Variants in CPVL observed in about 807,000 individuals in gnomAD.
CPVL encodes the protein probable serine carboxypeptidase CPVL.
Under a neutral mutation model 63.7 loss-of-function variants are expected in CPVL, and 51 were observed. The ratio of observed to expected loss-of-function variants is 0.80; its 90% CI spans 0.64 to 1.01. The LOEUF is 1.01. CPVL is among the 50% of genes least tolerant of loss of function. CPVL has a pLI of 0.00. For synonymous variants in CPVL, 195 were observed against 206.0 expected, an observed-to-expected ratio of 0.95 and a Z score of 0.46; for missense variants, 530 against 573.1, an observed-to-expected ratio of 0.92 and a Z score of 0.77.
chr7:29,169,745 A>G (rs6956877), intron 5 of CPVL, among the ~76,000 whole-genome samples: 34,139 of 151,726 alleles, frequency 0.23, 5,525 homozygotes, highest in African/African-American at 0.45. Context: ...CCTTCTGACC[A>G]CTGTTTGCTC....
At chr7:29,189,099 C>A (rs979960084) in intron 1 of CPVL, among the ~76,000 whole-genome samples, 36 of 152,074 alleles carry the variant, frequency 2.4e-4, no homozygotes, top group African/African-American at 8.4e-4. Flanking sequence ...TACAGGCGCA[C>A]ACCATCACGC....
chr7:29,016,395 T>A (rs1193790127), intron 12 of CPVL, among the ~76,000 whole-genome samples: 1 of 151,606 alleles, frequency 6.6e-6, no homozygotes, highest in Non-Finnish European at 1.5e-5. Flanking sequence ...AGCCCACAGC[T>A]AGCAAGCGGC....
At position 29,188,948 on chromosome 7, in the gene CPVL, C is replaced by CTT. The variant is rs11376135; in HGVS notation, c.-447-2403_-447-2402dup. ...AGCAAGGATATAGTTTTCCTCATACCTTTTTTTTTTTTTTTTTTGAGACAG... is the reference window on the plus strand; with the variant it reads ...AGCAAGGATATAGTTTTCCTCATACCTTTTTTTTTTTTTTTTTTTTGAGACAG... On this transcript the variant is annotated intron_variant, in intron 1 of 16. Coordinates refer to the CPVL transcript ENST00000409850. Among the ~76,000 whole-genome samples, 874 of 129,932 alleles carry CTT rather than the reference C, an allele frequency of 6.7e-3. 20 individuals are homozygous for CTT. The highest frequency in any genetic ancestry group is 0.02 in the African/African-American group (673 of 34,224). The allele number at this position is 129,932 out of a possible 152,430, so 85.2% of individuals were successfully genotyped here. A position where few individuals can be genotyped will look rare whatever the true frequency, so the allele number is the denominator to read the frequency against.
intron 11 of CPVL, among the ~76,000 whole-genome samples, chr7:29,043,574 G>C (rs1789333604): frequency 6.6e-6 from 1 of 152,088 alleles, no homozygotes; most frequent in Non-Finnish European, 1.5e-5. Context: ...AGAGTAGAGG[G>C]GAAAGCCAGA....
chr7:29,028,762 G>A (rs1212035447), intron 12 of CPVL, among the ~76,000 whole-genome samples: 3 of 152,144 alleles, frequency 2.0e-5, no homozygotes, highest in Middle Eastern at 6.8e-3. Context: ...TCAGGAGATC[G>A]AGACCATCCT....
At chr7:29,176,014 G>A (rs1158022781) in intron 5 of CPVL, among the ~76,000 whole-genome samples, 5 of 151,990 alleles carry the variant, frequency 3.3e-5, no homozygotes, top group African/African-American at 7.2e-5. Context: ...GTGAAACCCC[G>A]TCTCTACTAA....
chr7:29,180,676 G>C (rs893580005), intron 5 of CPVL, among the ~76,000 whole-genome samples: 1 of 152,142 alleles, frequency 6.6e-6, no homozygotes, highest in African/African-American at 2.4e-5. Flanking sequence ...TAATTACTAT[G>C]TAAAGAGTTA....
At chr7:29,095,448 T>A (rs531247630) in intron 4 of CPVL, among the ~76,000 whole-genome samples, 5 of 152,256 alleles carry the variant, frequency 3.3e-5, no homozygotes, top group African/African-American at 1.2e-4. Flanking sequence ...TCTGCAATAA[T>A]ATCCATATGT....
chr7:29,089,079 A>G (rs1785508195), intron 6 of CPVL, among the ~76,000 whole-genome samples: 1 of 152,190 alleles, frequency 6.6e-6, no homozygotes, highest in Non-Finnish European at 1.5e-5. Flanking sequence ...CTTCTTGGTG[A>G]TTCCATTTGG....
chr7:29,060,403 C>G (rs1045761782), intron 11 of CPVL, among the ~76,000 whole-genome samples: 4 of 152,154 alleles, frequency 2.6e-5, no homozygotes, highest in Non-Finnish European at 5.9e-5. Flanking sequence ...ATGTTCATAA[C>G]CACCATACTC....
intron 1 of CPVL, among the ~76,000 whole-genome samples, chr7:29,141,837 C>T (rs1791921741): frequency 6.6e-6 from 1 of 151,920 alleles, no homozygotes; most frequent in Non-Finnish European, 1.5e-5. Context: ...ATCACTTGAA[C>T]CCAGGAGGCA....
chr7:29,062,307 G>A (rs1701267745), intron 11 of CPVL, among the ~76,000 whole-genome samples: 1 of 152,134 alleles, frequency 6.6e-6, no homozygotes, highest in Admixed American at 6.5e-5. Flanking sequence ...CGTTCTGAGA[G>A]CTCAGAGGAG....
At chr7:29,001,014 C>G (rs895015398) in intron 12 of CPVL, 1 of 151,884 alleles carries the variant, frequency 6.6e-6, no homozygotes. Context: ...GGAAGGGAGT[C>G]ATACTGGTAC....
At chr7:29,074,417 C>T (rs1784036888) in intron 7 of CPVL, among the ~76,000 whole-genome samples, 1 of 152,106 alleles carries the variant, frequency 6.6e-6, no homozygotes, top group African/African-American at 2.4e-5. Flanking sequence ...TTATCAAATA[C>T]AATTTCTGTA....
At chr7:29,048,813 T>G (rs1168599285) in intron 11 of CPVL, among the ~76,000 whole-genome samples, 1 of 152,074 alleles carries the variant, frequency 6.6e-6, no homozygotes, top group Non-Finnish European at 1.5e-5. Flanking sequence ...AAATTGAAAT[T>G]ATATCAAGCA....
chr7:29,092,894 C>A (rs923189139), intron 5 of CPVL, among the ~76,000 whole-genome samples, 192 bp from the exon 6 acceptor site: 2 of 152,248 alleles, frequency 1.3e-5, no homozygotes, highest in South Asian at 2.1e-4. Flanking sequence ...CTCTCCACCC[C>A]CTAAAGCCCA....
chr7:29,063,550 A>T (rs373063312), intron 11 of CPVL, among the ~76,000 whole-genome samples: 1 of 152,028 alleles, frequency 6.6e-6, no homozygotes, highest in Non-Finnish European at 1.5e-5. Flanking sequence ...TAATCAGGGG[A>T]AAGTGGTTAA....
At chr7:29,149,550 G>A (rs1793296817), upstream of CPVL, among the ~76,000 whole-genome samples, 1 of 152,172 alleles carries the variant, frequency 6.6e-6, no homozygotes, top group Non-Finnish European at 1.5e-5. Context: ...GTACAGAACA[G>A]AATAGAACCA....
chr7:29,000,348 G>A (rs984594150), intron 12 of CPVL, among the ~76,000 whole-genome samples: 16 of 146,822 alleles, frequency 1.1e-4, no homozygotes, highest in Non-Finnish European at 2.4e-4. Context: ...ATCACTGGAC[G>A]GAGAGTGGTG....
Sources: allele counts gnomAD v4.1 joint callset (sites outside exome capture counted in the v4.1 genomes callset), GRCh38; gene constraint gnomAD v4.1.1; transcripts MANE v1.5; gene names NCBI Gene and HGNC (gene_info 2026-07-23, HGNC 2026-07-21).